Variants in GRTP1 observed in about 807,000 individuals in gnomAD.
GRTP1 encodes the protein growth hormone-regulated TBC protein 1.
Under a neutral mutation model 38.1 loss-of-function variants are expected in GRTP1, and 56 were observed. The ratio of observed to expected loss-of-function variants is 1.47; its 90% confidence interval spans 1.19 to 1.84. The LOEUF (loss-of-function observed/expected upper bound fraction) is 1.84, where lower values mean the gene tolerates loss of function less well. Among genes scored for constraint, GRTP1 ranks in the 40% most tolerant of loss-of-function variants. The probability of loss-of-function intolerance (pLI) is 0.00; values close to 1 mark genes in which losing one functional copy is unlikely to be tolerated. For missense variants in GRTP1, 506 were observed against 453.9 expected, an observed-to-expected ratio of 1.11 and a Z score of -1.04; for synonymous variants, 217 against 189.5, an observed-to-expected ratio of 1.14 and a Z score of -1.19.
At position 113,348,777 on chromosome 13, in the gene GRTP1, C is replaced by T. The variant is rs1050417705; in HGVS notation, c.465+2072G>A. 3.3e-5 allele frequency among the ~76,000 whole-genome samples: 5 copies of T among 152,160 alleles called. No homozygotes were observed. Among genetic ancestry groups the T allele is most frequent in the Admixed American group, 1.3e-4 (2 of 15,270 alleles). ...AACCAGGGCAAGGCCTGGGACAGTC[C>T]GTCCGTCACAGCCTCAGAAAGAACC... On this transcript the variant is annotated intron_variant, in intron 4 of 7. Transcript: ENST00000375431. This position sits in a 1 kb window ranked among gnomAD's most constrained non-coding sequence, Gnocchi z 4.8.
Position 113,326,082 on chromosome 13 carries a change from C to T in GRTP1, c.572G>A (p.Ser191Asn), listed in dbSNP as rs1486415131. ...GGTCTTCAGGCCCAGCATGGCCGGG[C>T]TGTAGTAATCTGCCAGGCAATGTGG... ...LVGRILPDYY[S>N]PAMLGLKTDQ... The change falls in exon 6 of 8, where the codon AGC becomes AAC. Residue 191 changes from serine to asparagine, a missense_variant. Physicochemically the swap from Ser to Asn is conservative, Grantham distance 46. Coordinates refer to ENST00000375431, the MANE Select transcript of GRTP1 (RefSeq NM_024719.4). 1.9e-6 allele frequency: 3 copies of T among 1,608,558 alleles called. No individual in the cohort carries two copies. Among genetic ancestry groups the T allele is most frequent in the Non-Finnish European group, 1.7e-6 (2 of 1,179,938 alleles).
At chr13:113,345,667 G>A (rs570040081) in intron 4 of GRTP1, among the ~76,000 whole-genome samples, 1 of 152,378 alleles carries the variant, frequency 6.6e-6, no homozygotes, top group African/African-American at 2.4e-5. Context: ...CACGTGATCG[G>A]AAGTGCGGAG....
chr13:113,334,393 C>T (rs748873435), intron 5 of GRTP1, among the ~76,000 whole-genome samples: 75 of 147,480 alleles, frequency 5.1e-4, no homozygotes, highest in Admixed American at 4.0e-3. Context: ...ATAAAGGAAT[C>T]GAGAAAAACA....
At chr13:113,338,249 A>G (rs1283341017) in intron 5 of GRTP1, among the ~76,000 whole-genome samples, 1 of 152,046 alleles carries the variant, frequency 6.6e-6, no homozygotes, top group African/African-American at 2.4e-5. Flanking sequence ...CATCATCTTC[A>G]TGGGCTCTAC....
chr13:113,338,502 T>C (rs908582122), intron 5 of GRTP1, among the ~76,000 whole-genome samples: 2 of 151,928 alleles, frequency 1.3e-5, no homozygotes, highest in African/African-American at 4.8e-5. Flanking sequence ...AGATGTGGGG[T>C]GCAGGCCTTG....
rs755913561 is a variant in GRTP1, at chr13:113,350,927, C to A, written c.387G>T (p.Thr129=). The A allele has an allele frequency of 6.2e-7, 1 of 1,613,580 alleles. No individual in the cohort carries two copies. Among genetic ancestry groups the A allele is most frequent in the South Asian group, 1.1e-5 (1 of 91,072 alleles). ...FPDNVKFRKT[T]DPCLQRTLYN... Reference sequence around the variant, plus strand: ...ACAGGGTCCTCTGTAAGCAGGGGTCCGTGGTCTTCCGGAACTTCACGTTGT... The same window carrying A: ...ACAGGGTCCTCTGTAAGCAGGGGTCAGTGGTCTTCCGGAACTTCACGTTGT... The change falls in exon 4 of 8, where the codon ACG becomes ACT. Residue 129 remains threonine, a synonymous_variant. Transcript: ENST00000375431.
chr13:113,333,844 T>TA (rs1566418680), intron 5 of GRTP1, among the ~76,000 whole-genome samples: 11 of 110,968 alleles, frequency 9.9e-5, no homozygotes, highest in African/African-American at 1.6e-4. Context: ...ATTTAGTGTG[T>TA]GTGTGTGTGT....
chr13:113,330,094 C>T (rs1180883991), intron 5 of GRTP1, among the ~76,000 whole-genome samples: 2 of 145,206 alleles, frequency 1.4e-5, no homozygotes, highest in Non-Finnish European at 3.0e-5. Flanking sequence ...CATGGAAACC[C>T]GGGTGTGTGC....
In GRTP1 at chr13:113,363,890, T is replaced by C. The variant is rs755465208; in HGVS notation, c.53A>G (p.Glu18Gly). 3 of 1,611,240 alleles carry C rather than the reference T, an allele frequency of 1.9e-6. No homozygotes were observed. The Admixed American group carries it at 5.0e-5, about 27-fold the overall frequency. The change falls in exon 2 of 8, where the codon GAG becomes GGG. Residue 18 changes from glutamate to glycine, a missense_variant. Glu to Gly is a moderately conservative substitution (Grantham distance 98). Transcript: ENST00000375431. ...GGCGTCGTCGAAGTCCTCAGGCCGC[T>C]CGAATCCGTACGGGTCGATCCTGCA... ...RVPRIDPYGFERPEDFDDAAY... is the reference protein window; with the variant it reads ...RVPRIDPYGFGRPEDFDDAAY...
intron 5 of GRTP1, among the ~76,000 whole-genome samples, 153 bp downstream of exon 5, chr13:113,344,710 C>T (rs1228133452): frequency 1.9e-4 from 4 of 20,866 alleles, no homozygotes; most frequent in African/African-American, 6.1e-4. Flanking sequence ...GAGACTCCGT[C>T]TCAAAAAAAA....
At chr13:113,324,974 G>T (rs183875542) in intron 7 of GRTP1, 1 of 523,444 alleles carries the variant, frequency 1.9e-6, no homozygotes, top group Non-Finnish European at 2.5e-6. Context: ...CTACATAAGC[G>T]TGAGCCACCA....
At chr13:113,354,531 A>ATT (rs554052131) in intron 3 of GRTP1, among the ~76,000 whole-genome samples, 1 of 149,958 alleles carries the variant, frequency 6.7e-6, no homozygotes, top group African/African-American at 2.4e-5. Flanking sequence ...GTTAACCAAT[A>ATT]TTTTTTTTTT....
intron 4 of GRTP1, among the ~76,000 whole-genome samples, chr13:113,346,107 A>AGCAGACCCAGGAGGACCTCTGTGGCTG (rs2043111933): frequency 8.5e-6 from 1 of 117,296 alleles, no homozygotes; most frequent in African/African-American, 3.8e-5. Context: ...TGTGGCCGAG[A>AGCAGACCCAGGAGGACCTCTGTGGCTG]ACAGACCCGG....
At chr13:113,331,554 C>T (rs1188446529) in intron 5 of GRTP1, among the ~76,000 whole-genome samples, 2 of 151,978 alleles carry the variant, frequency 1.3e-5, no homozygotes, top group East Asian at 1.9e-4. Flanking sequence ...GAGAAGACTT[C>T]GGCGTGGCAC....
chr13:113,354,454 G>A (rs1468278556), intron 3 of GRTP1, among the ~76,000 whole-genome samples: 3 of 152,080 alleles, frequency 2.0e-5, no homozygotes, highest in Non-Finnish European at 4.4e-5. Flanking sequence ...GTGTTTAAAT[G>A]TGTATTTCTC....
rs561980870 is a variant in GRTP1 at position 113,334,865 on chromosome 13, CTGGA to C, written c.563-8778_563-8775del. On this transcript the variant is annotated intron_variant, in intron 5 of 7. Coordinates refer to ENST00000375431, the MANE Select transcript of GRTP1 (RefSeq NM_024719.4). ...ATGGACACTTGCTCTGTCGCCCAGG[CTGGA>C]TGGAGTGCAGTGGCGCGATCTCGGC... Among the ~76,000 whole-genome samples the C allele has an allele frequency of 5.9e-5, 9 of 152,272 alleles. No homozygotes were observed. The East Asian group carries it at 9.7e-4, about 16-fold the overall frequency.
intron 7 of GRTP1, 109 bp downstream of exon 7, chr13:113,325,552 C>T (rs1371761195): frequency 2.5e-6 from 4 of 1,579,340 alleles, no homozygotes; most frequent in Non-Finnish European, 3.4e-6. Flanking sequence ...GTGCCCTATG[C>T]CCACTGGTGC....
At chr13:113,346,248 GTGGCCGAGAGCA>G (rs1240574739) in intron 4 of GRTP1, among the ~76,000 whole-genome samples, 5 of 133,582 alleles carry the variant, frequency 3.7e-5, no homozygotes, top group Admixed American at 1.5e-4. Flanking sequence ...GAGGACCTCT[GTGGCCGAGAGCA>G]GATCCGGGAG....
At position 113,325,842 on chromosome 13, in the gene GRTP1, A is replaced by G. The variant is rs765562300; in HGVS notation, c.740T>C (p.Val247Ala). 3 of 1,613,942 alleles carry G rather than the reference A, an allele frequency of 1.9e-6. No homozygotes were observed. Among genetic ancestry groups the G allele is most frequent in the South Asian group, 2.2e-5 (2 of 91,062 alleles). Residue 247 changes from valine (V) to alanine (A), a missense_variant, in exon 7 of 8, where the codon GTG (valine) becomes GCG (alanine). Transcript: ENST00000375431. ...LFVDILPVETVLRIWDCLFNE... is the reference protein window; with the variant it reads ...LFVDILPVETALRIWDCLFNE... ...AAACAAACAGTCCCAGATCCGAAGC[A>G]CTGTCTGCAGAGACATGGGAACCCG...
Sources: gnomAD v4.1 joint callset for allele counts (sites outside exome capture counted in the v4.1 genomes callset) on GRCh38, gnomAD v4.1.1 for gene constraint, Gnocchi (gnomAD v3.1) non-coding constraint, MANE v1.5 for transcripts, NCBI Gene and HGNC (gene_info 2026-07-23, HGNC 2026-07-21) for gene names.